FBLN2: variants seen among roughly 807,000 people sequenced by gnomAD.
The protein encoded by FBLN2 is fibulin-2.
FBLN2 carries 81 observed loss-of-function variants against 123.7 expected under a neutral mutation model. That is an observed-to-expected ratio of 0.65 (90% CI 0.55 to 0.79). FBLN2 has a LOEUF of 0.79. Among genes scored for constraint, FBLN2 ranks in the 30% least tolerant of loss-of-function variants. The pLI is 0.00. For synonymous variants in FBLN2, 699 were observed against 701.4 expected (o/e 1.00, Z 0.05); for missense variants, 1,603 against 1,681.3 (o/e 0.95, Z 0.81).
chr3:13,593,269 C>T (rs915866157), intron 2 of FBLN2, among the ~76,000 whole-genome samples: 2 of 152,152 alleles, frequency 1.3e-5, no homozygotes, highest in African/African-American at 4.8e-5. Flanking sequence ...GTTAACTACC[C>T]GGGCATGGGT....
intron 2 of FBLN2, among the ~76,000 whole-genome samples, chr3:13,573,314 C>T (rs1704023989): frequency 6.6e-6 from 1 of 152,068 alleles, no homozygotes; most frequent in South Asian, 2.1e-4. Flanking sequence ...CCCTTCTCAC[C>T]ACTGCCCACT....
chr3:13,583,049 A>G (rs1359084446), intron 2 of FBLN2, among the ~76,000 whole-genome samples: 1 of 152,154 alleles, frequency 6.6e-6, no homozygotes, highest in African/African-American at 2.4e-5. Flanking sequence ...CCCATGCTGC[A>G]CTCTTGTTTC....
At chr3:13,622,370 T>C (rs1200693788) in intron 9 of FBLN2, among the ~76,000 whole-genome samples, 1 of 152,180 alleles carries the variant, frequency 6.6e-6, no homozygotes, top group Non-Finnish European at 1.5e-5. Context: ...CTTTTGACGA[T>C]TGTGTGACAT....
intron 2 of FBLN2, among the ~76,000 whole-genome samples, chr3:13,593,037 G>A (rs948777721): frequency 2.6e-5 from 4 of 152,188 alleles, no homozygotes; most frequent in Non-Finnish European, 5.9e-5. Context: ...AAGCCACAAG[G>A]CCCCTTTGGA....
chr3:13,589,216 C>T (rs556989493), intron 2 of FBLN2, among the ~76,000 whole-genome samples: 127 of 152,298 alleles, frequency 8.3e-4, no homozygotes, highest in Non-Finnish European at 1.4e-3. Context: ...CCCTAGACAT[C>T]GCAACAAAAA....
In FBLN2 at chr3:13,630,738, G is replaced by A. The variant is rs762916687; in HGVS notation, c.3008G>A (p.Cys1003Tyr). Residue 1003 changes from cysteine (C) to tyrosine (Y), a missense_variant, in exon 15 of 18, where the codon TGT becomes TAT. Physicochemically the swap from Cys to Tyr is radical, Grantham distance 194. Transcript: ENST00000404922. ...GAGGCCCAGCGCTGCAGCCAGGAGT[G>A]TGCCAACATCTATGGCTCCTACCAG... is the stretch of plus-strand genomic sequence containing the variant. ...ECEAQRCSQECANIYGSYQCY... is the reference protein window; with the variant it reads ...ECEAQRCSQEYANIYGSYQCY... 1.1e-5 allele frequency: 17 copies of A among 1,609,944 alleles called. No individual in the cohort carries two copies. The highest frequency in any genetic ancestry group is 3.4e-6 in the Non-Finnish European group (4 of 1,178,516).
chr3:13,623,687 C>T (rs1317819935), intron 9 of FBLN2, among the ~76,000 whole-genome samples: 1 of 152,184 alleles, frequency 6.6e-6, no homozygotes, highest in Non-Finnish European at 1.5e-5. Flanking sequence ...AGCCAGCCTG[C>T]CTGCCTGTGC....
intron 2 of FBLN2, among the ~76,000 whole-genome samples, chr3:13,589,049 C>G (rs1704591043): frequency 6.6e-6 from 1 of 152,202 alleles, no homozygotes; most frequent in Non-Finnish European, 1.5e-5. Context: ...ATTCATAGTT[C>G]TTTCTGAGAA....
chr3:13,575,037 G>C (rs1704090518), intron 2 of FBLN2, among the ~76,000 whole-genome samples: 3 of 152,238 alleles, frequency 2.0e-5, no homozygotes, highest in Admixed American at 1.3e-4. Flanking sequence ...AGGGTGCTCT[G>C]TGAGTATCTG....
In FBLN2 at chr3:13,570,642, C is replaced by T. The variant is rs1432453598; in HGVS notation, c.287C>T (p.Thr96Ile). 1.3e-6 allele frequency: 2 copies of T among 1,582,632 alleles called. No individual in the cohort carries two copies. Among genetic ancestry groups the T allele is most frequent in the Non-Finnish European group, 1.7e-6 (2 of 1,165,840 alleles). ...TCCTATTTTGTGGACTTCGGGAGCA[C>T]TGAGTGCTCCTGCCCACCAGGCGGC... ...GQSYFVDFGS[T>I]ECSCPPGGGK... The change falls in exon 2 of 18, where the codon ACT becomes ATT. Residue 96 changes from threonine (T) to isoleucine (I), a missense_variant. Thr to Ile is a moderately conservative substitution (Grantham distance 89). Coordinates refer to ENST00000404922, the MANE Select transcript of FBLN2 (RefSeq NM_001004019.2).
At chr3:13,620,277 C>G (rs1007549196) in intron 8 of FBLN2, among the ~76,000 whole-genome samples, 7 of 152,274 alleles carry the variant, frequency 4.6e-5, no homozygotes, top group African/African-American at 1.4e-4. Context: ...GCGGACACCA[C>G]CTCCACTCAC....
chr3:13,631,742 C>T (rs879845511), intron 16 of FBLN2, among the ~76,000 whole-genome samples: 4 of 152,156 alleles, frequency 2.6e-5, no homozygotes, highest in Admixed American at 6.5e-5. Context: ...GGTGTTTCTA[C>T]GGAGGCACGA....
At chr3:13,599,756 C>T (rs996661086) in intron 2 of FBLN2, among the ~76,000 whole-genome samples, 2 of 151,112 alleles carry the variant, frequency 1.3e-5, no homozygotes, top group African/African-American at 4.9e-5. Context: ...CCTTTGTTGA[C>T]ACAGGAAGAC....
chr3:13,599,116 G>A (rs1368899327), intron 2 of FBLN2, among the ~76,000 whole-genome samples: 1 of 152,230 alleles, frequency 6.6e-6, no homozygotes, highest in African/African-American at 2.4e-5. Flanking sequence ...TGGCTTTTCT[G>A]TGGGATCTGT....
At chr3:13,603,977 C>T (rs2124874037) in intron 2 of FBLN2, among the ~76,000 whole-genome samples, 1 of 152,332 alleles carries the variant, frequency 6.6e-6, no homozygotes, top group Middle Eastern at 3.4e-3. Context: ...TTGCATTTCT[C>T]TGATGGCCAG....
In FBLN2 at chr3:13,619,759, A is replaced by G; in HGVS notation, c.2083A>G (p.Thr695Ala). The change falls in exon 8 of 18, where the codon ACT becomes GCT. Residue 695 changes from threonine (T) to alanine (A), a missense_variant. Thr to Ala is a moderately conservative substitution (Grantham distance 58). Coordinates refer to ENST00000404922, the MANE Select transcript of FBLN2 (RefSeq NM_001004019.2). The part of the protein sequence containing the change: ...DNGPCKQVCS[T>A]VGGSAICSCF... ...TGGACCCTGCAAGCAGGTGTGCAGC[A>G]CTGTTGGGGGCTCAGCCATATGCTC... The G allele has an allele frequency of 1.9e-6, 3 of 1,613,378 alleles. No individual in the cohort carries two copies. Among genetic ancestry groups the G allele is most frequent in the Non-Finnish European group, 2.5e-6 (3 of 1,179,558 alleles).
At chr3:13,631,575 A>T (rs2124910129) in intron 16 of FBLN2, 118 bp downstream of exon 16, 2 of 1,243,858 alleles carry the variant, frequency 1.6e-6, no homozygotes, top group East Asian at 5.2e-5. Flanking sequence ...CAGTGAATAA[A>T]TGCAGGATGG....
intron 1 of FBLN2, among the ~76,000 whole-genome samples, chr3:13,561,150 G>C (rs1703589664): frequency 6.6e-6 from 1 of 152,044 alleles, no homozygotes; most frequent in Non-Finnish European, 1.5e-5. Flanking sequence ...TTCTAGTTCT[G>C]GTTCCTACAT....
chr3:13,605,856 G>C (rs763990699), intron 2 of FBLN2, among the ~76,000 whole-genome samples: 14 of 152,146 alleles, frequency 9.2e-5, no homozygotes, highest in Non-Finnish European at 1.9e-4. Context: ...AGCACTAAGG[G>C]AGAAAAGGGG....
Sources: allele counts gnomAD v4.1 joint callset (sites outside exome capture counted in the v4.1 genomes callset), GRCh38; gene constraint gnomAD v4.1.1; transcripts MANE v1.5; gene names NCBI Gene and HGNC (gene_info 2026-07-23, HGNC 2026-07-21).